Variants in RAD51B observed in about 807,000 individuals in gnomAD.
RAD51B encodes RAD51 paralog B.
Under a neutral mutation model 42.2 loss-of-function variants are expected in RAD51B, and 38 were observed. The ratio of observed to expected loss-of-function variants is 0.90; its 90% CI spans 0.70 to 1.18. RAD51B has a LOEUF of 1.18. Ranked by LOEUF, RAD51B falls within the 50% of genes most tolerant of loss-of-function variation. The pLI, the probability that RAD51B is intolerant of heterozygous loss-of-function variation, is 0.00. For missense variants in RAD51B, 373 were observed against 400.7 expected (o/e 0.93, Z 0.59); for synonymous variants, 154 against 145.2 (o/e 1.06, Z -0.43).
rs34854984 is a variant in RAD51B at position 68,111,410 on chromosome 14, T to G, written c.757-180474T>G. On this transcript the variant is annotated intron_variant, in intron 7 of 10. Transcript: ENST00000471583. The stretch of plus-strand genomic sequence containing the variant: ...TAAGTTTTCAGAAACAGGATATCAG[T>G]GGTTTTAAAAGCAAGCAAATTTATA... 5.4e-3 allele frequency among the ~76,000 whole-genome samples: 817 copies of G among 152,128 alleles called. 6 individuals are homozygous for G. The highest frequency in any genetic ancestry group is 0.019 in the African/African-American group (771 of 41,522).
intron 9 of RAD51B, among the ~76,000 whole-genome samples, chr14:68,446,373 C>T (rs890557406): frequency 5.9e-5 from 9 of 152,152 alleles, no homozygotes; most frequent in Non-Finnish European, 1.3e-4. Context: ...TCTGCTTGCC[C>T]TTGATCTCTT....
intron 7 of RAD51B, among the ~76,000 whole-genome samples, chr14:68,174,106 G>A (rs2078921267): frequency 6.6e-6 from 1 of 152,058 alleles, no homozygotes; most frequent in Non-Finnish European, 1.5e-5. Flanking sequence ...TATACATTTT[G>A]TTATCTTTTC....
chr14:67,965,249 C>A (rs2074747590), intron 7 of RAD51B, among the ~76,000 whole-genome samples: 1 of 152,164 alleles, frequency 6.6e-6, no homozygotes, highest in African/African-American at 2.4e-5. Flanking sequence ...CATCTTGAGT[C>A]TTTATGTTCC....
chr14:68,549,965 T>G (rs1888447779), intron 10 of RAD51B, among the ~76,000 whole-genome samples: 1 of 152,214 alleles, frequency 6.6e-6, no homozygotes, highest in South Asian at 2.1e-4. Context: ...ACATCTGTTT[T>G]AGTGGTGGTG....
intron 5 of RAD51B, among the ~76,000 whole-genome samples, chr14:67,880,278 T>C (rs1230269451): frequency 6.6e-6 from 1 of 152,202 alleles, no homozygotes; most frequent in African/African-American, 2.4e-5. Flanking sequence ...AGTGTCGGGC[T>C]TACTTTGCTC....
At chr14:68,549,590 A>C (rs1594963984) in intron 10 of RAD51B, among the ~76,000 whole-genome samples, 1 of 149,506 alleles carries the variant, frequency 6.7e-6, no homozygotes, top group African/African-American at 2.5e-5. Context: ...TAATTTTTGT[A>C]TTTTTAGTAG....
chr14:67,838,400 TA>T (rs2041317036), intron 4 of RAD51B, among the ~76,000 whole-genome samples: 1 of 152,064 alleles, frequency 6.6e-6, no homozygotes, highest in South Asian at 2.1e-4. Context: ...AGAATGCATA[TA>T]TATATTCTGT....
chr14:68,643,694 A>G (rs544347286), intron 10 of RAD51B, among the ~76,000 whole-genome samples: 77 of 152,352 alleles, frequency 5.1e-4, no homozygotes, highest in Non-Finnish European at 9.4e-4. Flanking sequence ...ACTTAAAATA[A>G]TATGAATGCT....
At chr14:68,036,121 C>G (rs1488458010) in intron 7 of RAD51B, among the ~76,000 whole-genome samples, 1 of 152,204 alleles carries the variant, frequency 6.6e-6, no homozygotes, top group Admixed American at 6.5e-5. Context: ...TATGTCATTT[C>G]TTTTTCCTTA....
At chr14:68,461,035 GCAA>G (rs901809661) in intron 9 of RAD51B, among the ~76,000 whole-genome samples, 1 of 152,072 alleles carries the variant, frequency 6.6e-6, no homozygotes, top group Non-Finnish European at 1.5e-5. Context: ...AGAAGGAGCA[GCAA>G]CAACAAGAAT....
At chr14:68,260,936 C>T (rs2080875229) in intron 7 of RAD51B, among the ~76,000 whole-genome samples, 1 of 152,224 alleles carries the variant, frequency 6.6e-6, no homozygotes, top group Non-Finnish European at 1.5e-5. Context: ...TAAGTACATT[C>T]ACAACAATTG....
chr14:67,963,994 C>T (rs569539374), intron 7 of RAD51B, among the ~76,000 whole-genome samples: 4 of 151,948 alleles, frequency 2.6e-5, no homozygotes, highest in African/African-American at 4.8e-5. Flanking sequence ...TTTAAACTAA[C>T]GTCATACAGC....
At chr14:68,003,470 G>A (rs796794680) in intron 7 of RAD51B, among the ~76,000 whole-genome samples, 1 of 152,190 alleles carries the variant, frequency 6.6e-6, no homozygotes, top group Non-Finnish European at 1.5e-5. Context: ...TGCAAACAAA[G>A]ATAGTTTGAC....
At chr14:68,355,322 A>G (rs2139888657) in intron 8 of RAD51B, among the ~76,000 whole-genome samples, 1 of 152,318 alleles carries the variant, frequency 6.6e-6, no homozygotes, top group East Asian at 1.9e-4. Context: ...TTTAGAATTC[A>G]CCTTAATGTT....
At chr14:68,615,415 T>C (rs1164656583), downstream of RAD51B, among the ~76,000 whole-genome samples, 1 of 151,642 alleles carries the variant, frequency 6.6e-6, no homozygotes, top group Non-Finnish European at 1.5e-5. Context: ...GCGTGATATC[T>C]GCTCACTGCA....
intron 7 of RAD51B, among the ~76,000 whole-genome samples, chr14:67,981,372 A>G (rs2075089794): frequency 6.6e-6 from 1 of 152,274 alleles, no homozygotes; most frequent in Admixed American, 6.5e-5. Context: ...GGAATGTAAA[A>G]TGGTATAACC....
chr14:68,563,348 C>T (rs1157403144), intron 10 of RAD51B: 1 of 985,318 alleles, frequency 1.0e-6, no homozygotes, highest in Non-Finnish European at 1.2e-6. Context: ...GCTCAGCCTG[C>T]CAGGCCTTCC....
intron 7 of RAD51B, among the ~76,000 whole-genome samples, chr14:68,014,199 C>CT (rs35420035): frequency 1.3e-3 from 184 of 138,302 alleles, no homozygotes; most frequent in East Asian, 3.4e-3. Context: ...TCTTTTCTTT[C>CT]TTTTTTTTTT....
At chr14:68,267,034 T>C (rs932267872) in intron 7 of RAD51B, among the ~76,000 whole-genome samples, 1 of 152,184 alleles carries the variant, frequency 6.6e-6, no homozygotes, top group Non-Finnish European at 1.5e-5. Context: ...AGACCAAACC[T>C]CGAGCTCTCT....
Sources: allele counts gnomAD v4.1 joint callset (sites outside exome capture counted in the v4.1 genomes callset), GRCh38; gene constraint gnomAD v4.1.1; transcripts MANE v1.5; gene names NCBI Gene and HGNC (gene_info 2026-07-23, HGNC 2026-07-21).